The following PSMB7 variants were observed in gnomAD, a reference collection of about 807,000 sequenced individuals.
PSMB7 encodes proteasome 20S subunit beta 7.
Under a neutral mutation model 28.1 loss-of-function variants are expected in PSMB7, and 5 were observed. The ratio of observed to expected loss-of-function variants is 0.18; its 90% CI spans 0.09 to 0.37. PSMB7 has a LOEUF of 0.37. PSMB7 is among the 10% of genes least tolerant of loss of function. The pLI is 1.00. For missense variants in PSMB7, 275 were observed against 346.2 expected, an observed-to-expected ratio of 0.79 and a Z score of 1.63; for synonymous variants, 122 against 123.7, an observed-to-expected ratio of 0.99 and a Z score of 0.09.
At chr9:124,403,479 T>C (rs1377564284) in intron 5 of PSMB7, among the ~76,000 whole-genome samples, 1 of 152,116 alleles carries the variant, frequency 6.6e-6, no homozygotes, top group Non-Finnish European at 1.5e-5. Context: ...TGAGCTGTGA[T>C]TGCACCACTG....
At chr9:124,413,503 T>C (rs959428920) in intron 3 of PSMB7, among the ~76,000 whole-genome samples, 1 of 151,992 alleles carries the variant, frequency 6.6e-6, no homozygotes, top group Non-Finnish European at 1.5e-5. Flanking sequence ...TTTTACAAAA[T>C]CCAGTATGGC....
At chr9:124,394,417 G>A (rs529648837) in intron 5 of PSMB7, among the ~76,000 whole-genome samples, 7 of 152,310 alleles carry the variant, frequency 4.6e-5, no homozygotes, top group Admixed American at 4.6e-4. Context: ...AGATAAAGAT[G>A]AGCTGGTTAA....
intron 7 of PSMB7, among the ~76,000 whole-genome samples, chr9:124,354,058 AG>A (rs1302416493): frequency 6.6e-6 from 1 of 152,194 alleles, no homozygotes; most frequent in Non-Finnish European, 1.5e-5. Context: ...GACAGCAGGA[AG>A]CAAATCCCAT....
intron 5 of PSMB7, among the ~76,000 whole-genome samples, chr9:124,388,223 G>T (rs1216916412): frequency 6.6e-6 from 1 of 152,198 alleles, no homozygotes; most frequent in African/African-American, 2.4e-5. Context: ...TTAGACATCA[G>T]AACTGTCTGG....
intron 6 of PSMB7, among the ~76,000 whole-genome samples, chr9:124,359,499 C>T (rs1325090219): frequency 2.0e-5 from 3 of 152,206 alleles, no homozygotes; most frequent in Admixed American, 6.5e-5. Flanking sequence ...CTCTGGCTGA[C>T]GGTCAATGAC....
chr9:124,382,727 A>G, intron 6 of PSMB7, among the ~76,000 whole-genome samples: 1 of 152,206 alleles, frequency 6.6e-6, no homozygotes, highest in East Asian at 1.9e-4. Flanking sequence ...GATAATATCA[A>G]TTTTATCGAA....
At chr9:124,353,824 T>A (rs1420074565) in intron 7 of PSMB7, 115 bp from the exon 8 acceptor site, 1 of 749,622 alleles carries the variant, frequency 1.3e-6, no homozygotes, top group East Asian at 2.7e-5. Flanking sequence ...ACTGGAATCT[T>A]GGCTCTCCCG....
At chr9:124,412,720 T>C (rs1487246334) in intron 3 of PSMB7, among the ~76,000 whole-genome samples, 2 of 152,204 alleles carry the variant, frequency 1.3e-5, no homozygotes, top group African/African-American at 4.8e-5. Context: ...ACACATGAAA[T>C]TATTGGTTTC....
intron 5 of PSMB7, among the ~76,000 whole-genome samples, chr9:124,395,512 G>C (rs570025798): frequency 6.6e-6 from 1 of 151,944 alleles, no homozygotes; most frequent in South Asian, 2.1e-4. Flanking sequence ...AAACAAATAA[G>C]TTAATTATTA....
chr9:124,414,053 C>T (rs767826133), intron 2 of PSMB7, 48 bp from the exon 3 acceptor site: 14 of 1,215,494 alleles, frequency 1.2e-5, no homozygotes, highest in Non-Finnish European at 1.5e-5. Context: ...ATAAGCCAAC[C>T]GCAACTCTCT....
intron 5 of PSMB7, among the ~76,000 whole-genome samples, chr9:124,386,426 A>C (rs1463894503): frequency 6.6e-6 from 1 of 152,246 alleles, no homozygotes; most frequent in Non-Finnish European, 1.5e-5. Flanking sequence ...TTTCAGGCCC[A>C]GGTGAGAACC....
chr9:124,389,807 T>C (rs1320826191), intron 5 of PSMB7, among the ~76,000 whole-genome samples: 4 of 152,166 alleles, frequency 2.6e-5, no homozygotes, highest in Non-Finnish European at 5.9e-5. Flanking sequence ...GACCCTCTTG[T>C]CACCCACATC....
intron 6 of PSMB7, among the ~76,000 whole-genome samples, chr9:124,363,775 G>A (rs527861681): frequency 4.2e-4 from 64 of 152,240 alleles, no homozygotes; most frequent in African/African-American, 1.5e-3. Context: ...AGGAGTTTTA[G>A]GGGTTTTAAG....
chr9:124,380,270 T>C (rs1180725342), intron 6 of PSMB7, among the ~76,000 whole-genome samples: 1 of 152,248 alleles, frequency 6.6e-6, no homozygotes, highest in Non-Finnish European at 1.5e-5. Flanking sequence ...ATCAATAGTA[T>C]GTACCCACTT....
intron 6 of PSMB7, among the ~76,000 whole-genome samples, chr9:124,381,319 G>A (rs1048038046): frequency 3.9e-5 from 6 of 152,196 alleles, no homozygotes; most frequent in Non-Finnish European, 7.3e-5. Flanking sequence ...TTGTTTTAAC[G>A]ATAAAGCCAA....
rs1830653728 is a variant in PSMB7 at position 124,380,523 on chromosome 9, A to G, written c.570+4075T>C. Among the ~76,000 whole-genome samples, 3 of 152,244 alleles carry G rather than the reference A, an allele frequency of 2.0e-5. No individual in the cohort carries two copies. In the South Asian group the frequency reaches 6.2e-4, roughly 31 times the overall value. The stretch of plus-strand genomic sequence containing the variant: ...GCCACTGCACTCCAGCCTGGGCAAC[A>G]GAGCAAGATCCTGTCTTAAAAAGAG... On this transcript the variant is annotated intron_variant, in intron 6 of 7. Transcript: ENST00000259457.
Position 124,356,615 on chromosome 9 carries a change from G to T in PSMB7, c.722+149C>A. The T allele has an allele frequency of 1.1e-6, 1 of 877,116 alleles. No individual in the cohort carries two copies. The highest frequency in any genetic ancestry group is 1.7e-6 in the Non-Finnish European group (1 of 586,306). 54.3% of individuals were successfully genotyped at this position (877,116 alleles called of 1,614,324 possible). ...CCCACTGTCATAAAGCAAGTAACAAGCCGAAGGTCTGTGTGGGAGGTTGAT... is the reference window on the plus strand; with the variant it reads ...CCCACTGTCATAAAGCAAGTAACAATCCGAAGGTCTGTGTGGGAGGTTGAT... On this transcript the variant is annotated intron_variant, in intron 7 of 7. Transcript: ENST00000259457. This position sits in a 1 kb window ranked among gnomAD's most constrained non-coding sequence, Gnocchi z 4.4.
intron 6 of PSMB7, among the ~76,000 whole-genome samples, chr9:124,359,735 T>C (rs1044744938): frequency 1.3e-5 from 2 of 152,208 alleles, no homozygotes; most frequent in African/African-American, 4.8e-5. Context: ...CCGGTTTCTC[T>C]CTGGGCCAAC....
At chr9:124,391,619 A>G (rs1830788234) in intron 5 of PSMB7, among the ~76,000 whole-genome samples, 1 of 148,830 alleles carries the variant, frequency 6.7e-6, no homozygotes, top group African/African-American at 2.5e-5. Flanking sequence ...CTGTTATAAC[A>G]GCATTTATTT....
Sources: allele counts gnomAD v4.1 joint callset (sites outside exome capture counted in the v4.1 genomes callset), GRCh38; gene constraint gnomAD v4.1.1; non-coding constraint Gnocchi (gnomAD v3.1); transcripts MANE v1.5; gene names NCBI Gene and HGNC (gene_info 2026-07-23, HGNC 2026-07-21).